The following SHOX variants were observed in gnomAD, a reference collection of about 807,000 sequenced individuals.
SHOX encodes the protein short stature homeobox protein.
Under a neutral mutation model 29.6 loss-of-function variants are expected in SHOX, and 12 were observed. The observed-to-expected ratio is 0.41, with a 90% CI of 0.26 to 0.66. The LOEUF (loss-of-function observed/expected upper bound fraction) is 0.66, where lower values mean the gene tolerates loss of function less well. SHOX is among the 30% of genes least tolerant of loss of function. The probability of loss-of-function intolerance (pLI) is 0.35; values close to 1 mark genes in which losing one functional copy is unlikely to be tolerated. For missense variants in SHOX, 499 were observed against 437.7 expected, an observed-to-expected ratio of 1.14 and a Z score of -1.25; for synonymous variants, 214 against 200.6, an observed-to-expected ratio of 1.07 and a Z score of -0.57.
intron 1 of SHOX, 46 bp from the exon 2 acceptor site, chrX:634,572 C>T (rs778034300): frequency 3.9e-5 from 63 of 1,604,086 alleles, no homozygotes; most frequent in Non-Finnish European, 5.2e-5. Context: ...CCACGTTGCG[C>T]AAAACCTCCC....
chrX:635,108 T>G (rs28683770), intron 2 of SHOX, among the ~76,000 whole-genome samples: 5 of 151,816 alleles, frequency 3.3e-5, no homozygotes, highest in Admixed American at 6.6e-5. Context: ...ATGGGTATAT[T>G]GTATATATTA....
At chrX:654,871 A>T (rs959709763), downstream of SHOX, among the ~76,000 whole-genome samples, 9 of 151,402 alleles carry the variant, frequency 5.9e-5, no homozygotes, top group Non-Finnish European at 1.3e-4. Context: ...TATTTTTAGT[A>T]GAGACGAGGT....
chrX:625,651 TTCTC>T (rs1406695519), intron 1 of SHOX, among the ~76,000 whole-genome samples: 6 of 147,526 alleles, frequency 4.1e-5, no homozygotes, highest in African/African-American at 1.3e-4. Context: ...CTGTCTCTCT[TTCTC>T]TCTGTCTTCG....
intron 1 of SHOX, chrX:624,701 T>TTTC (rs1556451347): frequency 5.7e-5 from 6 of 105,452 alleles, no homozygotes; most frequent in East Asian, 2.8e-4. Context: ...TTCCTCTTTC[T>TTTC]TTTCTTTCTT....
chrX:633,711 A>C (rs2052688592), intron 1 of SHOX, among the ~76,000 whole-genome samples: 1 of 151,942 alleles, frequency 6.6e-6, no homozygotes, highest in Non-Finnish European at 1.5e-5. Context: ...CGTGCTTCTC[A>C]TCTGTGCTCA....
Position 645,388 on chromosome X carries a change from G to GTTTTT in SHOX, c.*753_*754insTTTTT, listed in dbSNP as rs1398738646. The GTTTTT allele has an allele frequency of 1.3e-3, 103 of 77,738 alleles. 12 individuals carry two copies. The highest frequency in any genetic ancestry group is 3.4e-3 in the African/African-American group (82 of 24,352). The allele number at this position is 77,738 out of a possible 1,614,324, so 4.8% of individuals were successfully genotyped here. ...TTGGGTCTGGTTTTGTTTTGGATTG[G>GTTTTT]TATTTTTTTTTTTTTTTTTTTTTTT... is the stretch of plus-strand genomic sequence containing the variant. On this transcript the variant is annotated 3_prime_UTR_variant, in exon 5 of 5. Coordinates refer to ENST00000686671, the MANE Select transcript of SHOX (RefSeq NM_000451.4).
chrX:624,866 C>CT (rs1556451636), intron 1 of SHOX, among the ~76,000 whole-genome samples: 1 of 54,848 alleles, frequency 1.8e-5, no homozygotes, highest in Non-Finnish European at 3.2e-5. Context: ...TCTTTCTTTT[C>CT]TTTCTTTCTT....
At chrX:631,898 A>G (rs1307189798) in intron 1 of SHOX, 3 of 455,960 alleles carry the variant, frequency 6.6e-6, no homozygotes, top group Non-Finnish European at 1.3e-5. Context: ...ACGGTCACCC[A>G]GACGCACAGA....
chrX:626,266 T>C (rs1408444347), upstream of SHOX, among the ~76,000 whole-genome samples: 1 of 150,672 alleles, frequency 6.6e-6, no homozygotes, highest in Non-Finnish European at 1.5e-5. Context: ...TCTCTGTCTC[T>C]TTTTCTCTGT....
upstream of SHOX, among the ~76,000 whole-genome samples, chrX:627,732 C>A (rs763901491): frequency 2.0e-5 from 3 of 152,120 alleles, no homozygotes; most frequent in African/African-American, 4.8e-5. Flanking sequence ...CCTGGTAGAG[C>A]GGAGTTTCCT....
At position 644,540 on chromosome X, in the gene SHOX, C is replaced by G. The variant is rs1429051778; in HGVS notation, c.783C>G (p.Ala261=). The part of the protein sequence containing the change: ...ASLAESASAA[A]VVAAAAKSNS... The stretch of plus-strand genomic sequence containing the variant: ...TGGCCGAGTCCGCCTCGGCCGCCGC[C>G]GTGGTCGCCGCCGCCGCCAAAAGCA... Residue 261 remains alanine (A), a synonymous_variant, in exon 5 of 5, where the codon GCC becomes GCG. Transcript: ENST00000686671. 3 of 1,517,846 alleles carry G rather than the reference C, an allele frequency of 2.0e-6. No homozygotes were observed. The highest frequency in any genetic ancestry group is 2.0e-5 in the Admixed American group (1 of 49,730). 94.0% of individuals were successfully genotyped at this position (1,517,846 alleles called of 1,614,324 possible). A position where few individuals can be genotyped will look rare whatever the true frequency, so the allele number is the denominator to read the frequency against.
chrX:645,456 G>C lies in SHOX; in HGVS notation c.*820G>C, dbSNP rs980517445. On this transcript the variant is annotated 3_prime_UTR_variant, in exon 5 of 5. Coordinates refer to ENST00000686671, the MANE Select transcript of SHOX (RefSeq NM_000451.4). ...TACAGGATTCAGACGCAAAAGACTT[G>C]CATAAGAGACGGACGCGTGGTTGCA... is the stretch of plus-strand genomic sequence containing the variant. 21 of 124,998 alleles carry C rather than the reference G, an allele frequency of 1.7e-4. No homozygotes were observed. Among genetic ancestry groups the C allele is most frequent in the Non-Finnish European group, 3.2e-4 (20 of 63,128 alleles). 7.7% of individuals were successfully genotyped at this position (124,998 alleles called of 1,614,324 possible).
chrX:643,643 G>A, intron 4 of SHOX, among the ~76,000 whole-genome samples: 1 of 139,508 alleles, frequency 7.2e-6, no homozygotes, highest in African/African-American at 2.9e-5. Context: ...GGTGTCCTGG[G>A]GAGAGGCTGG....
rs2053035695 is a variant in SHOX, at chrX:650,331, A to C, written c.*5695A>C. Among the ~76,000 whole-genome samples the C allele has an allele frequency of 7.5e-6, 1 of 133,366 alleles. No homozygotes were observed. The highest frequency in any genetic ancestry group is 8.2e-5 in the Admixed American group (1 of 12,242). The allele number at this position is 133,366 out of a possible 152,430, so 87.5% of individuals were successfully genotyped here. On this transcript the variant is annotated 3_prime_UTR_variant, in exon 5 of 5. Transcript: ENST00000686671. ...GCCCTGTCGTAGGAATGGCCTCTCC[A>C]TCCCGCCAAAGTCCAGCCAGGCCCC...
chrX:630,497 G>A (rs2052627737), upstream of SHOX: 6 of 300,906 alleles, frequency 2.0e-5, no homozygotes, highest in Non-Finnish European at 2.5e-5. Flanking sequence ...CTCCGGCCAC[G>A]GAGAGAACGC....
chrX:655,264 C>A (rs780645968), downstream of SHOX, among the ~76,000 whole-genome samples: 3 of 151,708 alleles, frequency 2.0e-5, no homozygotes, highest in African/African-American at 7.3e-5. Context: ...CCCGCCACCA[C>A]GCCCGGCTAA....
upstream of SHOX, among the ~76,000 whole-genome samples, chrX:628,227 TTC>T (rs1414138905): frequency 6.8e-6 from 1 of 148,018 alleles, no homozygotes; most frequent in Non-Finnish European, 1.5e-5. Context: ...GTGTCGCTCT[TTC>T]TCTCTCTCCA....
downstream of SHOX, among the ~76,000 whole-genome samples, chrX:653,595 G>A (rs939415456): frequency 1.9e-4 from 29 of 151,480 alleles, no homozygotes; most frequent in Admixed American, 3.9e-4. Flanking sequence ...GGGTTGTCTT[G>A]CAGACTTCTC....
upstream of SHOX, among the ~76,000 whole-genome samples, chrX:629,942 C>T (rs1283171823): frequency 6.6e-6 from 1 of 152,182 alleles, no homozygotes; most frequent in Non-Finnish European, 1.5e-5. Context: ...GTATTTTTTT[C>T]ACCCGGTAAA....
Sources: allele counts gnomAD v4.1 joint callset (sites outside exome capture counted in the v4.1 genomes callset), GRCh38; gene constraint gnomAD v4.1.1; transcripts MANE v1.5; gene names NCBI Gene and HGNC (gene_info 2026-07-23, HGNC 2026-07-21).